The following PNISR variants were observed in gnomAD, a reference collection of about 807,000 sequenced individuals.
The protein encoded by PNISR is arginine/serine-rich protein PNISR.
Under a neutral mutation model 93.4 loss-of-function variants are expected in PNISR, and 20 were observed. That is an observed-to-expected ratio of 0.21 (90% CI 0.15 to 0.31). The LOEUF (loss-of-function observed/expected upper bound fraction) is 0.31, where lower values mean the gene tolerates loss of function less well. Among genes scored for constraint, PNISR ranks in the 10% least tolerant of loss-of-function variants. PNISR has a pLI of 1.00. For missense variants in PNISR, 893 were observed against 985.4 expected, an observed-to-expected ratio of 0.91 and a Z score of 1.25; for synonymous variants, 305 against 306.5, an observed-to-expected ratio of 0.99 and a Z score of 0.05.
intron 9 of PNISR, 89 bp downstream of exon 9, chr6:99,404,514 A>C (rs1775893069): frequency 1.3e-6 from 1 of 765,434 alleles, no homozygotes; most frequent in African/African-American, 1.7e-5. Flanking sequence ...ATCTGGTAGA[A>C]ATCCAACAAG....
At chr6:99,403,656 A>G in intron 10 of PNISR, 173 bp downstream of exon 10, 1 of 453,818 alleles carries the variant, frequency 2.2e-6, no homozygotes, top group Non-Finnish European at 4.0e-6. Context: ...CTCACTGTGA[A>G]TGCGTTAGTC....
At chr6:99,418,984 T>C (rs1467278794) in intron 1 of PNISR, among the ~76,000 whole-genome samples, 1 of 151,036 alleles carries the variant, frequency 6.6e-6, no homozygotes, top group Non-Finnish European at 1.5e-5. Flanking sequence ...CCCGTCTCTA[T>C]TAAAAATACA....
chr6:99,414,318 G>T lies in PNISR; in HGVS notation c.88+254C>A, dbSNP rs1338635677. 3.9e-5 allele frequency among the ~76,000 whole-genome samples: 6 copies of T among 152,120 alleles called. 1 individual carries two copies. In the South Asian group the frequency reaches 1.2e-3, roughly 31 times the overall value. ...TATTTTAGGCTTTTCTCTTTCTTTA[G>T]AAAAACAAGGACTAAATCAGTTTAA... On this transcript the variant is annotated intron_variant, in intron 3 of 11. Transcript: ENST00000369239.
intron 10 of PNISR, 85 bp downstream of exon 10, chr6:99,403,743 TA>T: frequency 1.0e-6 from 1 of 962,728 alleles, no homozygotes; most frequent in East Asian, 2.5e-5. Context: ...GTAGGACTAA[TA>T]CAGTTTCAAA....
intron 1 of PNISR, among the ~76,000 whole-genome samples, chr6:99,422,923 T>C (rs1373034985): frequency 7.1e-6 from 1 of 140,170 alleles, no homozygotes; most frequent in Non-Finnish European, 1.6e-5. Context: ...GAGTCGGTTA[T>C]AAATACCCCC....
chr6:99,412,584 C>T lies in PNISR; in HGVS notation c.244G>A (p.Gly82Arg). 6.2e-7 allele frequency: 1 copy of T among 1,604,094 alleles called. No individual in the cohort carries two copies. The highest frequency in any genetic ancestry group is 1.3e-5 in the African/African-American group (1 of 74,518). ...SGPNNHGNFQ[G>R]DSNFNRMWQP... ...CACATTCTGTTGAAGTTTGAATCCC[C>T]TTGGAAATTCCCATGATTGTTTGGA... Residue 82 changes from glycine to arginine, a missense_variant, in exon 4 of 12, where the codon GGG becomes AGG. Around this residue, in one of 3 missense-constraint regions of PNISR, gnomAD observed 866 missense variants for 935.1 expected, o/e 0.93. Coordinates refer to ENST00000369239, the MANE Select transcript of PNISR (RefSeq NM_032870.4).
At chr6:99,414,422 T>C (rs547077671) in intron 3 of PNISR, 150 bp downstream of exon 3, 3 of 424,788 alleles carry the variant, frequency 7.1e-6, no homozygotes, top group South Asian at 1.6e-4. Context: ...ATATATGCTA[T>C]GGCAAGGCTA....
In PNISR at chr6:99,424,457, A is replaced by G. The variant is rs568971761; in HGVS notation, c.-112+758T>C. 5.3e-5 allele frequency among the ~76,000 whole-genome samples: 8 copies of G among 152,152 alleles called. No homozygotes were observed. The East Asian group carries it at 1.5e-3, about 29-fold the overall frequency. On this transcript the variant is annotated intron_variant, in intron 1 of 11. Transcript: ENST00000369239. ...ACATCTTTAAAGAACTGTTTTCTCT[A>G]TAAGCCCTTTGCCACTTTACAAAAA...
chr6:99,402,485 A>T (rs1212447911), intron 11 of PNISR, 55 bp downstream of exon 11: 2 of 1,283,548 alleles, frequency 1.6e-6, no homozygotes, highest in East Asian at 4.7e-5. Flanking sequence ...GTTAGTTAAA[A>T]AATAAAAAGA....
At chr6:99,408,392 G>T (rs1031943594) in intron 6 of PNISR, 121 bp from the exon 7 acceptor site, 9 of 660,284 alleles carry the variant, frequency 1.4e-5, no homozygotes, top group Admixed American at 2.8e-5. Flanking sequence ...ATCACTTTTA[G>T]TAACAGCAGG....
chr6:99,404,765 C>A (rs1775940451), intron 8 of PNISR, 63 bp from the exon 9 acceptor site: 2 of 821,872 alleles, frequency 2.4e-6, no homozygotes, highest in African/African-American at 1.7e-5. Context: ...GTGACATCTT[C>A]AAAAATATTA....
At chr6:99,424,834 G>C (rs1257742844) in intron 1 of PNISR, 1 of 173,514 alleles carries the variant, frequency 5.8e-6, no homozygotes, top group East Asian at 1.6e-4. Flanking sequence ...GAGCCTCAAA[G>C]GGTATAAGCT....
chr6:99,400,495 A>C lies in PNISR; in HGVS notation c.*45T>G, dbSNP rs761803825. 3 of 1,569,868 alleles carry C rather than the reference A, an allele frequency of 1.9e-6. No homozygotes were observed. The highest frequency in any genetic ancestry group is 1.4e-5 in the African/African-American group (1 of 72,974). On this transcript the variant is annotated 3_prime_UTR_variant, in exon 12 of 12. Transcript: ENST00000369239. ...GACACTTTCAACTTTGAATAAATTCAGTCAATTTTTTTTAAAAATCAGACA... is the reference window on the plus strand; with the variant it reads ...GACACTTTCAACTTTGAATAAATTCCGTCAATTTTTTTTAAAAATCAGACA...
At position 99,400,488 on chromosome 6, in the gene PNISR, T is replaced by C. The variant is rs1420803728; in HGVS notation, c.*52A>G. 7 of 1,563,532 alleles carry C rather than the reference T, an allele frequency of 4.5e-6. No individual in the cohort carries two copies. The South Asian group carries it at 8.5e-5, about 19-fold the overall frequency. On this transcript the variant is annotated 3_prime_UTR_variant, in exon 12 of 12. Coordinates refer to ENST00000369239, the MANE Select transcript of PNISR (RefSeq NM_032870.4). ...GAGAAAGGACACTTTCAACTTTGAATAAATTCAGTCAATTTTTTTTAAAAA... is the reference window on the plus strand; with the variant it reads ...GAGAAAGGACACTTTCAACTTTGAACAAATTCAGTCAATTTTTTTTAAAAA...
rs1489452667 is a variant in PNISR, at chr6:99,402,642, C to T, written c.1225G>A (p.Asp409Asn). ...TGCCGTAATTCTTCATCATCAGTGT[C>T]AGATGACTCAGATCCTCTGTCACTC... Reference protein sequence around the residue: ...ERSDRGSESSDTDDEELRHRI... With the variant: ...ERSDRGSESSNTDDEELRHRI... The change falls in exon 11 of 12, where the codon GAC becomes AAC. Residue 409 changes from aspartate to asparagine, a missense_variant. Coordinates refer to ENST00000369239, the MANE Select transcript of PNISR (RefSeq NM_032870.4). 6.2e-7 allele frequency: 1 copy of T among 1,613,458 alleles called. No individual in the cohort carries two copies. Among genetic ancestry groups the T allele is most frequent in the Non-Finnish European group, 8.5e-7 (1 of 1,179,628 alleles).
In PNISR at chr6:99,408,790, T is replaced by C. The variant is rs1033644087; in HGVS notation, c.673+383A>G. Among the ~76,000 whole-genome samples, 42 of 152,100 alleles carry C rather than the reference T, an allele frequency of 2.8e-4. 1 individual carries two copies. Among genetic ancestry groups the C allele is most frequent in the African/African-American group, 9.2e-4 (38 of 41,400 alleles). ...GGGAAGTGAAATAACCAGAGGAAAA[T>C]TAATCTGACAGCAGTGCATCAGATG... On this transcript the variant is annotated intron_variant, in intron 6 of 11. Transcript: ENST00000369239.
intron 1 of PNISR, among the ~76,000 whole-genome samples, chr6:99,420,360 G>C (rs776731805): frequency 6.6e-6 from 1 of 152,222 alleles, no homozygotes; most frequent in Non-Finnish European, 1.5e-5. Context: ...TTGTAGAAAA[G>C]AGACAGATTG....
chr6:99,401,680 T>G lies in PNISR; in HGVS notation c.1328-50A>C, dbSNP rs373113982. On this transcript the variant is annotated intron_variant, in intron 11 of 11. Transcript: ENST00000369239. Reference sequence around the variant, plus strand: ...CTAAGAAAATGTTCATGTAAAATTCTCATACTACCAAATGTCAAGCTACCA... The same window carrying G: ...CTAAGAAAATGTTCATGTAAAATTCGCATACTACCAAATGTCAAGCTACCA... The G allele has an allele frequency of 1.1e-4, 158 of 1,394,664 alleles. No homozygotes were observed. In the African/African-American group the frequency reaches 1.9e-3, roughly 17 times the overall value. 86.4% of individuals were successfully genotyped at this position (1,394,664 alleles called of 1,614,324 possible). A position where few individuals can be genotyped will look rare whatever the true frequency, so the allele number is the denominator to read the frequency against.
intron 8 of PNISR, 29 bp from the exon 9 acceptor site, chr6:99,404,731 C>T: frequency 3.6e-6 from 4 of 1,110,278 alleles, no homozygotes; most frequent in South Asian, 1.3e-5. Context: ...TACAGTATTT[C>T]TAATTATTAT....
Sources: gnomAD v4.1 joint callset for allele counts (sites outside exome capture counted in the v4.1 genomes callset) on GRCh38, gnomAD v4.1.1 for gene constraint, gnomAD v4.1.1 regional missense constraint, MANE v1.5 for transcripts, NCBI Gene and HGNC (gene_info 2026-07-23, HGNC 2026-07-21) for gene names.